BTBD17: variants seen among roughly 807,000 people sequenced by gnomAD.
BTBD17 encodes BTB domain containing 17, also known as BTB/POZ domain-containing protein 17.
A neutral mutation model predicts 36.9 loss-of-function variants in BTBD17; 26 were observed. The ratio of observed to expected loss-of-function variants is 0.70; its 90% CI spans 0.52 to 0.98. BTBD17 has a LOEUF of 0.98. Among genes scored for constraint, BTBD17 ranks in the 50% least tolerant of loss-of-function variants. The pLI, the probability that BTBD17 is intolerant of heterozygous loss-of-function variation, is 0.00. For synonymous variants in BTBD17, 341 were observed against 338.0 expected, an observed-to-expected ratio of 1.01 and a Z score of -0.10; for missense variants, 630 against 691.3, an observed-to-expected ratio of 0.91 and a Z score of 0.99.
chr17:74,361,715 C>G lies in BTBD17; in HGVS notation c.85+20G>C. On this transcript the variant is annotated intron_variant, in intron 1 of 2. Coordinates refer to ENST00000375366, the MANE Select transcript of BTBD17 (RefSeq NM_001080466.2). The stretch of plus-strand genomic sequence containing the variant: ...CCTGCCGCTCCACCCTGCCCCGCAC[C>G]TGGCCCACTGCCCGCTCACCTGCAT... 1 of 1,606,562 alleles carries G rather than the reference C, an allele frequency of 6.2e-7. No homozygotes were observed.
chr17:74,356,428 A>T lies in BTBD17; in HGVS notation c.*229T>A. 1 of 638,990 alleles carries T rather than the reference A, an allele frequency of 1.6e-6. No individual in the cohort carries two copies. The highest frequency in any genetic ancestry group is 1.9e-5 in the African/African-American group (1 of 53,158). 39.6% of individuals were successfully genotyped at this position (638,990 alleles called of 1,614,324 possible). On this transcript the variant is annotated 3_prime_UTR_variant, in exon 3 of 3. Transcript: ENST00000375366. The surrounding 1 kb of genome is among the most constrained non-coding windows in gnomAD (Gnocchi z 4.3). ...GTTCAATCATCCCTTTACCACTCTG[A>T]GCATCGGTTTATTCAGGACCAAGAA...
At position 74,357,736 on chromosome 17, in the gene BTBD17, G is replaced by C; in HGVS notation, c.363-5C>G. On this transcript the variant is annotated splice_polypyrimidine_tract_variant and splice_region_variant and intron_variant, in intron 2 of 2. Transcript: ENST00000375366. This position sits in a 1 kb window ranked among gnomAD's most constrained non-coding sequence, Gnocchi z 8.4. ...AGCTCCCCGCAGTACAGGTACCTGC[G>C]GGAGAGACCGAGAGGTGGGGCGGGG... 1 of 1,526,138 alleles carries C rather than the reference G, an allele frequency of 6.6e-7. No individual in the cohort carries two copies. Among genetic ancestry groups the C allele is most frequent in the Non-Finnish European group, 8.8e-7 (1 of 1,137,312 alleles). The allele number at this position is 1,526,138 out of a possible 1,614,324, so 94.5% of individuals were successfully genotyped here.
At chr17:74,360,372 G>A (rs768376077) in intron 1 of BTBD17, 127 bp from the exon 2 acceptor site, 18 of 999,172 alleles carry the variant, frequency 1.8e-5, no homozygotes, top group Non-Finnish European at 2.3e-5. Context: ...GGGCCTAGGC[G>A]GGTTGTATGT....
Position 74,359,359 on chromosome 17 carries a change from GT to G in BTBD17, c.362+609del, listed in dbSNP as rs375933758. ...CCGTGAAACTGTAGTTTTTTTGTTT[GT>G]TTGTTTGGTTGGTTGGTTGGTTGGT... is the stretch of plus-strand genomic sequence containing the variant. On this transcript the variant is annotated intron_variant, in intron 2 of 2. Coordinates refer to ENST00000375366, the MANE Select transcript of BTBD17 (RefSeq NM_001080466.2). 2.2e-4 allele frequency among the ~76,000 whole-genome samples: 34 copies of G among 152,116 alleles called. No individual in the cohort carries two copies. The South Asian group carries it at 7.1e-3, about 32-fold the overall frequency.
At position 74,356,666 on chromosome 17, in the gene BTBD17, G is replaced by T. The variant is rs919686772; in HGVS notation, c.1428C>A (p.Thr476=). Residue 476 remains threonine (T), a synonymous_variant, in exon 3 of 3, where the codon ACC becomes ACA. Transcript: ENST00000375366. This position sits in a 1 kb window ranked among gnomAD's most constrained non-coding sequence, Gnocchi z 4.3. ...TTCCCAGACCCCGAGGCTACTTGGGGGTCCGGATAAGGGTGTGGTATACGG... is the reference window on the plus strand; with the variant it reads ...TTCCCAGACCCCGAGGCTACTTGGGTGTCCGGATAAGGGTGTGGTATACGG... ...VKPVYHTLIR[T]PK 1.3e-6 allele frequency: 2 copies of T among 1,535,124 alleles called. No homozygotes were observed. Among genetic ancestry groups the T allele is most frequent in the South Asian group, 2.4e-5 (2 of 82,046 alleles).
chr17:74,357,698 C>G lies in BTBD17; in HGVS notation c.396G>C (p.Leu132=). ...YLYCGELTVL[L]TQAIPLHRLA... The stretch of plus-strand genomic sequence containing the variant: ...GTCTGTGCAGGGGGATGGCCTGGGT[C>G]AGCAGCACGGTCAGCTCCCCGCAGT... The change falls in exon 3 of 3, where the codon CTG becomes CTC. Residue 132 remains leucine (L), a synonymous_variant. Coordinates refer to ENST00000375366, the MANE Select transcript of BTBD17 (RefSeq NM_001080466.2). The surrounding 1 kb of genome is among the most constrained non-coding windows in gnomAD (Gnocchi z 8.4). 6.5e-7 allele frequency: 1 copy of G among 1,546,630 alleles called. No homozygotes were observed. The highest frequency in any genetic ancestry group is 8.7e-7 in the Non-Finnish European group (1 of 1,147,090).
intron 1 of BTBD17, among the ~76,000 whole-genome samples, chr17:74,361,194 T>C (rs1170521459): frequency 2.0e-5 from 3 of 152,202 alleles, no homozygotes; most frequent in Non-Finnish European, 2.9e-5. Flanking sequence ...CAGATGGGGA[T>C]ATGCACTCAG....
At position 74,357,101 on chromosome 17, in the gene BTBD17, G is replaced by A; in HGVS notation, c.993C>T (p.Ala331=). 1 of 1,520,296 alleles carries A rather than the reference G, an allele frequency of 6.6e-7. No individual in the cohort carries two copies. The highest frequency in any genetic ancestry group is 8.7e-7 in the Non-Finnish European group (1 of 1,146,394). The allele number at this position is 1,520,296 out of a possible 1,614,324, so 94.2% of individuals were successfully genotyped here. A position where few individuals can be genotyped will look rare whatever the true frequency, so the allele number is the denominator to read the frequency against. The change falls in exon 3 of 3, where the codon GCC becomes GCT. Residue 331 remains alanine (A), a synonymous_variant. Transcript: ENST00000375366. The surrounding 1 kb of genome is among the most constrained non-coding windows in gnomAD (Gnocchi z 8.4). ...GGAAGCTGGTGCTGCGGTCGTCGCG[G>A]GCCGGGTTGTTGATGACCCACGGGG... The part of the protein sequence containing the change: ...WGAPWVINNP[A]RDDRSTSFQT...
chr17:74,358,927 G>T (rs995403304), intron 2 of BTBD17, among the ~76,000 whole-genome samples: 1 of 152,236 alleles, frequency 6.6e-6, no homozygotes, highest in Non-Finnish European at 1.5e-5. Flanking sequence ...TTGCAGGAAG[G>T]CTGATTAAAT....
rs1372153538 is a variant in BTBD17 at position 74,357,361 on chromosome 17, G to A, written c.733C>T (p.Pro245Ser). 6.4e-7 allele frequency: 1 copy of A among 1,551,020 alleles called. No homozygotes were observed. Among genetic ancestry groups the A allele is most frequent in the Admixed American group, 1.9e-5 (1 of 52,828 alleles). The part of the protein sequence containing the change: ...EAWLGRARPP[P>S]AVAERALRAI... ...CGCAGCGCCCGCTCGGCCACGGCAG[G>A]GGGCGGCCGCGCGCGACCCAGCCAG... The change falls in exon 3 of 3, where the codon CCT becomes TCT. Residue 245 changes from proline (P) to serine (S), a missense_variant. Coordinates refer to ENST00000375366, the MANE Select transcript of BTBD17 (RefSeq NM_001080466.2). This position sits in a 1 kb window ranked among gnomAD's most constrained non-coding sequence, Gnocchi z 8.4.
In BTBD17 at chr17:74,356,967, G is replaced by T; in HGVS notation, c.1127C>A (p.Ala376Asp). 1 of 1,444,016 alleles carries T rather than the reference G, an allele frequency of 6.9e-7. No individual in the cohort carries two copies. Among genetic ancestry groups the T allele is most frequent in the Non-Finnish European group, 9.0e-7 (1 of 1,109,166 alleles). The allele number at this position is 1,444,016 out of a possible 1,614,324, so 89.5% of individuals were successfully genotyped here. Reference protein sequence around the residue: ...PVSLRPVYADAAGTALPAARP... With the variant: ...PVSLRPVYADDAGTALPAARP... ...CGCGGCGGGCAGAGCAGTGCCCGCG[G>T]CGTCCGCGTAAACGGGCCGCAGGCT... Residue 376 changes from alanine (A) to aspartate (D), a missense_variant, in exon 3 of 3, where the codon GCC becomes GAC. Coordinates refer to ENST00000375366, the MANE Select transcript of BTBD17 (RefSeq NM_001080466.2). This position sits in a 1 kb window ranked among gnomAD's most constrained non-coding sequence, Gnocchi z 4.3.
Position 74,357,847 on chromosome 17 carries a change from A to C in BTBD17, c.363-116T>G. 2.6e-6 allele frequency: 2 copies of C among 777,012 alleles called. No homozygotes were observed. The highest frequency in any genetic ancestry group is 3.9e-6 in the Non-Finnish European group (2 of 508,718). The allele number at this position is 777,012 out of a possible 1,614,324, so 48.1% of individuals were successfully genotyped here. A position where few individuals can be genotyped will look rare whatever the true frequency, so the allele number is the denominator to read the frequency against. ...AGTTGGAGCTTCACTGTCCGGGTGC[A>C]AACACAGTGGAAGCCCCACCCTGAG... On this transcript the variant is annotated intron_variant, in intron 2 of 2. Coordinates refer to ENST00000375366, the MANE Select transcript of BTBD17 (RefSeq NM_001080466.2). This position sits in a 1 kb window ranked among gnomAD's most constrained non-coding sequence, Gnocchi z 8.4.
Position 74,361,770 on chromosome 17 carries a change from G to A in BTBD17, c.50C>T (p.Ala17Val), listed in dbSNP as rs1216857062. The A allele has an allele frequency of 6.2e-7, 1 of 1,613,858 alleles. No individual in the cohort carries two copies. Residue 17 changes from alanine to valine, a missense_variant, in exon 1 of 3, where the codon GCC (alanine) becomes GTC (valine). Ala to Val is a moderately conservative substitution (Grantham distance 64, BLOSUM62 0). Coordinates refer to ENST00000375366, the MANE Select transcript of BTBD17 (RefSeq NM_001080466.2). The stretch of plus-strand genomic sequence containing the variant: ...GACCAGGCCCACCAAGGTCAGCATG[G>A]CCCAGAAGCTGCCCCAGGACCCAGG... ...SKPGSWGSFW[A>V]MLTLVGLVTH...
At chr17:74,361,918 G>T, upstream of BTBD17, 1 of 959,212 alleles carries the variant, frequency 1.0e-6, no homozygotes. Flanking sequence ...CAAGGGGACG[G>T]CACCCCCCTT....
rs1567931232 is a variant in BTBD17 at position 74,357,842 on chromosome 17, G to A, written c.363-111C>T. 2.4e-6 allele frequency: 2 copies of A among 831,370 alleles called. No homozygotes were observed. The highest frequency in any genetic ancestry group is 1.8e-5 in the African/African-American group (1 of 56,068). 51.5% of individuals were successfully genotyped at this position (831,370 alleles called of 1,614,324 possible). ...CCTGGAGTTGGAGCTTCACTGTCCG[G>A]GTGCAAACACAGTGGAAGCCCCACC... On this transcript the variant is annotated intron_variant, in intron 2 of 2. Transcript: ENST00000375366. This position sits in a 1 kb window ranked among gnomAD's most constrained non-coding sequence, Gnocchi z 8.4.
At position 74,357,745 on chromosome 17, in the gene BTBD17, C is replaced by T. The variant is rs1046410299; in HGVS notation, c.363-14G>A. On this transcript the variant is annotated splice_polypyrimidine_tract_variant and intron_variant, in intron 2 of 2. Transcript: ENST00000375366. The surrounding 1 kb of genome is among the most constrained non-coding windows in gnomAD (Gnocchi z 8.4). ...CAGTACAGGTACCTGCGGGAGAGAC[C>T]GAGAGGTGGGGCGGGGTCAGGGCGG... 66 of 1,519,340 alleles carry T rather than the reference C, an allele frequency of 4.3e-5. No homozygotes were observed. Among genetic ancestry groups the T allele is most frequent in the Non-Finnish European group, 5.6e-5 (63 of 1,133,908 alleles). The allele number at this position is 1,519,340 out of a possible 1,614,324, so 94.1% of individuals were successfully genotyped here.
chr17:74,359,120 G>A (rs535888651), intron 2 of BTBD17, among the ~76,000 whole-genome samples: 1 of 152,314 alleles, frequency 6.6e-6, no homozygotes, highest in South Asian at 2.1e-4. Flanking sequence ...CACGGCAGGA[G>A]GCAGGAGGTG....
intron 1 of BTBD17, 35 bp from the exon 2 acceptor site, chr17:74,360,280 G>T: frequency 6.4e-7 from 1 of 1,565,842 alleles, no homozygotes; most frequent in Non-Finnish European, 8.7e-7. Flanking sequence ...AGCCTGAGAA[G>T]GTGCCCGGGC....
intron 1 of BTBD17, 125 bp downstream of exon 1, chr17:74,361,610 G>T: frequency 1.4e-6 from 1 of 715,392 alleles, no homozygotes; most frequent in Non-Finnish European, 2.3e-6. Context: ...CCGTGGAGCT[G>T]TCCGGTCCAC....
Sources: gnomAD v4.1 joint callset for allele counts (sites outside exome capture counted in the v4.1 genomes callset) on GRCh38, gnomAD v4.1.1 for gene constraint, Gnocchi (gnomAD v3.1) non-coding constraint, MANE v1.5 for transcripts, NCBI Gene and HGNC (gene_info 2026-07-23, HGNC 2026-07-21) for gene names.